PTPRD: variants seen among roughly 807,000 people sequenced by gnomAD.
The protein encoded by PTPRD is receptor-type tyrosine-protein phosphatase delta.
In PTPRD, 34 loss-of-function variants were observed where a neutral mutation model predicts 214.5. The ratio of observed to expected loss-of-function variants is 0.16; its 90% CI spans 0.12 to 0.21. The LOEUF is 0.21. Among genes scored for constraint, PTPRD ranks in the 10% least tolerant of loss-of-function variants. The probability of loss-of-function intolerance (pLI) is 1.00; values close to 1 mark genes in which losing one functional copy is unlikely to be tolerated. For missense variants in PTPRD, 2,545 were observed against 2,398.7 expected (o/e 1.06, Z -1.27); for synonymous variants, 1,128 against 845.7 (o/e 1.33, Z -5.79).
At chr9:10,437,491 G>C (rs531309526) in intron 2 of PTPRD, among the ~76,000 whole-genome samples, 1 of 151,854 alleles carries the variant, frequency 6.6e-6, no homozygotes, top group South Asian at 2.1e-4. Flanking sequence ...AATTAATGTG[G>C]CTTGATATCA....
At chr9:10,360,993 T>G (rs765054311) in intron 2 of PTPRD, among the ~76,000 whole-genome samples, 3 of 151,932 alleles carry the variant, frequency 2.0e-5, no homozygotes, top group Non-Finnish European at 4.4e-5. Flanking sequence ...TCCCAGCTAC[T>G]CGGGAGGCTG....
Position 8,446,857 on chromosome 9 carries a change from C to G in PTPRD, c.3988+2868G>C, listed in dbSNP as rs554060580. On this transcript the variant is annotated intron_variant, in intron 34 of 45. Transcript: ENST00000381196. ...TTCGTGAAAAAGAGGAGAAGAACAA[C>G]CACAAAAGGGTTACTGGGTTAACAA... Among the ~76,000 whole-genome samples the G allele has an allele frequency of 2.1e-4, 32 of 152,252 alleles. 1 individual carries two copies. Among genetic ancestry groups the G allele is most frequent in the African/African-American group, 7.0e-4 (29 of 41,564 alleles).
intron 3 of PTPRD, among the ~76,000 whole-genome samples, chr9:10,098,521 T>TA (rs2098517978): frequency 6.6e-6 from 1 of 151,488 alleles, no homozygotes; most frequent in Admixed American, 6.6e-5. Context: ...AAAATAAAAA[T>TA]AAAAAATGCT....
At chr9:9,476,380 A>G (rs2095044452) in intron 8 of PTPRD, among the ~76,000 whole-genome samples, 1 of 152,252 alleles carries the variant, frequency 6.6e-6, no homozygotes, top group Non-Finnish European at 1.5e-5. Flanking sequence ...AAGAGAAACA[A>G]TATATAAGGA....
intron 8 of PTPRD, among the ~76,000 whole-genome samples, chr9:9,530,670 A>C (rs1338542826): frequency 6.6e-6 from 1 of 152,312 alleles, no homozygotes; most frequent in East Asian, 1.9e-4. Flanking sequence ...TGTGTGTCAC[A>C]CACAATGACA....
intron 8 of PTPRD, among the ~76,000 whole-genome samples, chr9:9,418,548 C>T (rs576671292): frequency 1.4e-4 from 21 of 152,110 alleles, no homozygotes; most frequent in African/African-American, 3.9e-4. Flanking sequence ...TGAAAGCGAC[C>T]TAGCTATTTC....
intron 44 of PTPRD, among the ~76,000 whole-genome samples, chr9:8,324,877 T>C (rs928367426): frequency 6.6e-6 from 1 of 152,228 alleles, no homozygotes; most frequent in African/African-American, 2.4e-5. Context: ...TTTCATATGT[T>C]TGTCTGCCGC....
chr9:10,379,401 G>A (rs1334205414), intron 2 of PTPRD, among the ~76,000 whole-genome samples: 1 of 151,728 alleles, frequency 6.6e-6, no homozygotes, highest in African/African-American at 2.4e-5. Context: ...CCTGTATTAT[G>A]TTGAGTAACA....
At chr9:8,481,038 G>A (rs940271596) in intron 30 of PTPRD, among the ~76,000 whole-genome samples, 2 of 151,272 alleles carry the variant, frequency 1.3e-5, no homozygotes, top group Non-Finnish European at 2.9e-5. Context: ...CGCTCGAGAG[G>A]CTGAGGCAGG....
chr9:10,391,912 C>A (rs1239819514), intron 2 of PTPRD, among the ~76,000 whole-genome samples: 1 of 151,764 alleles, frequency 6.6e-6, no homozygotes, highest in Non-Finnish European at 1.5e-5. Flanking sequence ...ATCAAGAGTT[C>A]TTTTTCTCCA....
At chr9:8,989,431 C>T (rs1399858652) in intron 11 of PTPRD, among the ~76,000 whole-genome samples, 1 of 152,010 alleles carries the variant, frequency 6.6e-6, no homozygotes, top group African/African-American at 2.4e-5. Context: ...TATTTTAGCT[C>T]CCACATATGA....
chr9:9,409,014 C>A (rs1457269453), intron 8 of PTPRD, among the ~76,000 whole-genome samples: 2 of 151,836 alleles, frequency 1.3e-5, no homozygotes, highest in East Asian at 1.9e-4. Flanking sequence ...ACTGAACTTT[C>A]TTTCATCAAA....
intron 4 of PTPRD, among the ~76,000 whole-genome samples, chr9:10,018,210 T>A (rs1220523612): frequency 2.0e-5 from 3 of 148,596 alleles, no homozygotes; most frequent in African/African-American, 5.0e-5. Context: ...AGAGAAGGAG[T>A]AGGAGGAAGG....
chr9:9,693,194 T>C (rs1341848882), intron 7 of PTPRD, among the ~76,000 whole-genome samples: 1 of 151,164 alleles, frequency 6.6e-6, no homozygotes, highest in Non-Finnish European at 1.5e-5. Context: ...CTTGTCTTGT[T>C]CCAGATCTGG....
intron 5 of PTPRD, among the ~76,000 whole-genome samples, chr9:9,937,973 G>T (rs57498253): frequency 6.2e-4 from 94 of 152,274 alleles, no homozygotes; most frequent in African/African-American, 2.2e-3. Flanking sequence ...TGGAGGCAGA[G>T]ATCTTACCTC....
At chr9:9,894,908 A>G (rs773152865) in intron 5 of PTPRD, among the ~76,000 whole-genome samples, 1 of 152,028 alleles carries the variant, frequency 6.6e-6, no homozygotes, top group East Asian at 1.9e-4. Context: ...AAAGAGCCAG[A>G]AATGGCTTTT....
chr9:9,854,739 G>A (rs2061224660), intron 5 of PTPRD, among the ~76,000 whole-genome samples: 1 of 151,798 alleles, frequency 6.6e-6, no homozygotes, highest in South Asian at 2.1e-4. Context: ...TTTCAGCAAA[G>A]CCAGTACCCC....
chr9:9,095,007 T>C (rs1232037114), intron 10 of PTPRD, among the ~76,000 whole-genome samples: 1 of 152,136 alleles, frequency 6.6e-6, no homozygotes, highest in Non-Finnish European at 1.5e-5. Context: ...CTCAAGAATG[T>C]CTAGCCCAAC....
At chr9:9,845,527 T>G (rs7853369) in intron 5 of PTPRD, among the ~76,000 whole-genome samples, 4,623 of 151,800 alleles carry the variant, frequency 0.03, 86 homozygotes, top group Middle Eastern at 0.068. Flanking sequence ...CATGTTAAAT[T>G]TGAGCTGTTT....
Sources: gnomAD v4.1 joint callset for allele counts (sites outside exome capture counted in the v4.1 genomes callset) on GRCh38, gnomAD v4.1.1 for gene constraint, MANE v1.5 for transcripts, NCBI Gene and HGNC (gene_info 2026-07-23, HGNC 2026-07-21) for gene names.